The following ZNF207 variants were observed in gnomAD, a reference collection of about 807,000 sequenced individuals.
ZNF207 encodes the protein BUB3-interacting and GLEBS motif-containing protein ZNF207.
A neutral mutation model predicts 60.2 loss-of-function variants in ZNF207; 24 were observed. The observed-to-expected ratio is 0.40, with a 90% CI of 0.29 to 0.56. The LOEUF is 0.56. ZNF207 is among the 20% of genes least tolerant of loss of function. The pLI, the probability that ZNF207 is intolerant of heterozygous loss-of-function variation, is 0.49. For synonymous variants in ZNF207, 236 were observed against 194.7 expected (o/e 1.21, Z -1.77); for missense variants, 452 against 636.6 (o/e 0.71, Z 3.12).
Position 32,380,971 on chromosome 17 carries a change from A to G in ZNF207, c.*11212A>G, listed in dbSNP as rs941165379. ...GACTCCGTCTCAAAAAAAAAAAGAA[A>G]AAAAGAAAAAGTGATAAGATTTGGG... On this transcript the variant is annotated 3_prime_UTR_variant, in exon 12 of 12. Coordinates refer to ENST00000394670, the MANE Select transcript of ZNF207 (RefSeq NM_001098507.2). 5 of 146,504 alleles carry G rather than the reference A, an allele frequency of 3.4e-5. No individual in the cohort carries two copies. Among genetic ancestry groups the G allele is most frequent in the Non-Finnish European group, 6.2e-5 (4 of 64,940 alleles). 9.1% of individuals were successfully genotyped at this position (146,504 alleles called of 1,614,324 possible). A position where few individuals can be genotyped will look rare whatever the true frequency, so the allele number is the denominator to read the frequency against.
intron 7 of ZNF207, among the ~76,000 whole-genome samples, chr17:32,363,612 A>C (rs991854293): frequency 7.5e-6 from 1 of 133,246 alleles, no homozygotes; most frequent in African/African-American, 2.9e-5. Context: ...GCTCACTGCA[A>C]CCTCTGCTTC....
intron 10 of ZNF207, chr17:32,368,900 G>A (rs1196510361): frequency 6.1e-6 from 1 of 164,162 alleles, no homozygotes; most frequent in Non-Finnish European, 1.3e-5. Context: ...AGCTACTCCG[G>A]AGGCTGAGGC....
At position 32,371,377 on chromosome 17, in the gene ZNF207, A is replaced by G. The variant is rs1905456229; in HGVS notation, c.*1618A>G. ...TGAAAAGTGATTTAGCCATCACAAA[A>G]GAGTTCGTATTTATGTGACAGATGA... On this transcript the variant is annotated 3_prime_UTR_variant, in exon 12 of 12. Transcript: ENST00000394670. 1.3e-5 allele frequency: 2 copies of G among 152,380 alleles called. No homozygotes were observed. Among genetic ancestry groups the G allele is most frequent in the African/African-American group, 4.8e-5 (2 of 41,590 alleles). The allele number at this position is 152,380 out of a possible 1,614,324, so 9.4% of individuals were successfully genotyped here. A position where few individuals can be genotyped will look rare whatever the true frequency, so the allele number is the denominator to read the frequency against.
chr17:32,354,329 C>CT (rs1567812834), intron 2 of ZNF207, among the ~76,000 whole-genome samples: 1 of 152,046 alleles, frequency 6.6e-6, no homozygotes, highest in Non-Finnish European at 1.5e-5. Flanking sequence ...GATGTATGCT[C>CT]TGTCAGTTTT....
chr17:32,366,311 T>C (rs1307087696), intron 8 of ZNF207, among the ~76,000 whole-genome samples: 2 of 105,696 alleles, frequency 1.9e-5, no homozygotes, highest in Non-Finnish European at 3.9e-5. Context: ...ATGTAAAACT[T>C]TTGGCAAAAA....
At position 32,375,096 on chromosome 17, in the gene ZNF207, A is replaced by G. The variant is rs1217853062; in HGVS notation, c.*5337A>G. The G allele has an allele frequency of 6.6e-6, 1 of 152,242 alleles. No homozygotes were observed. Among genetic ancestry groups the G allele is most frequent in the Non-Finnish European group, 1.5e-5 (1 of 68,046 alleles). The allele number at this position is 152,242 out of a possible 1,614,324, so 9.4% of individuals were successfully genotyped here. On this transcript the variant is annotated 3_prime_UTR_variant, in exon 12 of 12. Transcript: ENST00000394670. ...ACAATGAACAAGCAGTATAGCATTTAGCAAACCTGGAATTGTTTGTATATG... is the reference window on the plus strand; with the variant it reads ...ACAATGAACAAGCAGTATAGCATTTGGCAAACCTGGAATTGTTTGTATATG...
chr17:32,379,116 T>A lies in ZNF207; in HGVS notation c.*9357T>A, dbSNP rs1347283522. 6.6e-6 allele frequency: 1 copy of A among 152,094 alleles called. No homozygotes were observed. The highest frequency in any genetic ancestry group is 1.5e-5 in the Non-Finnish European group (1 of 67,930). 9.4% of individuals were successfully genotyped at this position (152,094 alleles called of 1,614,324 possible). On this transcript the variant is annotated 3_prime_UTR_variant, in exon 12 of 12. Transcript: ENST00000394670. ...TGTAAAATTGCACAAGGGCTTAAGTTTCATTGCCTTTCACAGTTTAATCTG... is the reference window on the plus strand; with the variant it reads ...TGTAAAATTGCACAAGGGCTTAAGTATCATTGCCTTTCACAGTTTAATCTG...
At position 32,369,462 on chromosome 17, in the gene ZNF207, T is replaced by A; in HGVS notation, c.1324+8T>A. 1.9e-6 allele frequency: 3 copies of A among 1,611,656 alleles called. No homozygotes were observed. Among genetic ancestry groups the A allele is most frequent in the Non-Finnish European group, 2.5e-6 (3 of 1,178,346 alleles). The stretch of plus-strand genomic sequence containing the variant: ...CCCCAATGCCACCTCATGGTATTCC[T>A]CTTTTTATGTTTTTCATATTTAGTG... On this transcript the variant is annotated splice_region_variant and intron_variant, in intron 11 of 11. Coordinates refer to ENST00000394670, the MANE Select transcript of ZNF207 (RefSeq NM_001098507.2).
At chr17:32,363,150 A>G (rs1263675262) in intron 7 of ZNF207, among the ~76,000 whole-genome samples, 166 bp downstream of exon 7, 5 of 152,178 alleles carry the variant, frequency 3.3e-5, no homozygotes, top group Non-Finnish European at 5.9e-5. Flanking sequence ...ATTTTGGTAG[A>G]TATCTCGGCT....
chr17:32,366,999 A>G (rs1481552669), intron 9 of ZNF207, among the ~76,000 whole-genome samples: 1 of 151,992 alleles, frequency 6.6e-6, no homozygotes, highest in African/African-American at 2.4e-5. Flanking sequence ...TATAGTGGCC[A>G]ATGGTTAGCC....
rs1905427526 is a variant in ZNF207 at position 32,370,659 on chromosome 17, A to C, written c.*900A>C. 6.6e-6 allele frequency: 1 copy of C among 152,214 alleles called. No homozygotes were observed. Among genetic ancestry groups the C allele is most frequent in the Non-Finnish European group, 1.5e-5 (1 of 68,040 alleles). 9.4% of individuals were successfully genotyped at this position (152,214 alleles called of 1,614,324 possible). A position where few individuals can be genotyped will look rare whatever the true frequency, so the allele number is the denominator to read the frequency against. Reference sequence around the variant, plus strand: ...TACACATCACGTGTCATAGATACTTAAAATGTAAATGTTAACACTTTTCCT... The same window carrying C: ...TACACATCACGTGTCATAGATACTTCAAATGTAAATGTTAACACTTTTCCT... On this transcript the variant is annotated 3_prime_UTR_variant, in exon 12 of 12. Transcript: ENST00000394670.
At chr17:32,350,570 T>C (rs948960267) in intron 1 of ZNF207, among the ~76,000 whole-genome samples, 1 of 152,028 alleles carries the variant, frequency 6.6e-6, no homozygotes, top group Non-Finnish European at 1.5e-5. Context: ...CGGTGCGAAT[T>C]TTGGACTCCG....
rs1473853853 is a variant in ZNF207, at chr17:32,370,654, T to TA, written c.*896dup. ...GTCAGTACACATCACGTGTCATAGATACTTAAAATGTAAATGTTAACACTT... is the reference window on the plus strand; with the variant it reads ...GTCAGTACACATCACGTGTCATAGATAACTTAAAATGTAAATGTTAACACTT... On this transcript the variant is annotated 3_prime_UTR_variant, in exon 12 of 12. Coordinates refer to ENST00000394670, the MANE Select transcript of ZNF207 (RefSeq NM_001098507.2). 6.6e-6 allele frequency: 1 copy of TA among 152,232 alleles called. No homozygotes were observed. Among genetic ancestry groups the TA allele is most frequent in the Non-Finnish European group, 1.5e-5 (1 of 68,046 alleles). 9.4% of individuals were successfully genotyped at this position (152,232 alleles called of 1,614,324 possible). A position where few individuals can be genotyped will look rare whatever the true frequency, so the allele number is the denominator to read the frequency against.
In ZNF207 at chr17:32,351,883, G is replaced by T; in HGVS notation, c.139G>T (p.Gly47Ter). Residue 47 changes from glycine to a stop codon, truncating the protein, a stop_gained, in exon 2 of 12, where the codon GGA (glycine) becomes TGA (stop). Coordinates refer to ENST00000394670, the MANE Select transcript of ZNF207 (RefSeq NM_001098507.2). LOFTEE classifies it high-confidence loss of function. ...CHICHKKLYT[G>*]PGLAIHCMQV... Reference sequence around the variant, plus strand: ...TATATGTCACAAGAAATTGTATACAGGACCTGGCTTAGCTATTCATTGCAT... The same window carrying T: ...TATATGTCACAAGAAATTGTATACATGACCTGGCTTAGCTATTCATTGCAT... 1 of 1,590,064 alleles carries T rather than the reference G, an allele frequency of 6.3e-7. No individual in the cohort carries two copies.
At position 32,369,836 on chromosome 17, in the gene ZNF207, G is replaced by A. The variant is rs1002970280; in HGVS notation, c.*77G>A. On this transcript the variant is annotated 3_prime_UTR_variant, in exon 12 of 12. Transcript: ENST00000394670. The stretch of plus-strand genomic sequence containing the variant: ...GTGCTGTTTATATAGCCAAGCTTCC[G>A]TCAATAAGGCTTCATTGTGACTTTA... The A allele has an allele frequency of 5.3e-5, 71 of 1,333,608 alleles. No homozygotes were observed. Among genetic ancestry groups the A allele is most frequent in the South Asian group, 5.2e-4 (20 of 38,666 alleles). 82.6% of individuals were successfully genotyped at this position (1,333,608 alleles called of 1,614,324 possible).
rs375614538 is a variant in ZNF207, at chr17:32,362,909, A to G, written c.600-5A>G. On this transcript the variant is annotated splice_region_variant and splice_polypyrimidine_tract_variant and intron_variant, in intron 6 of 11. Coordinates refer to ENST00000394670, the MANE Select transcript of ZNF207 (RefSeq NM_001098507.2). ...TACTGTTTCTTGAAATTTGCTTTCT[A>G]ATAGAATGATGCCAATGGGTGGAAT... The G allele has an allele frequency of 1.5e-5, 24 of 1,612,924 alleles. No homozygotes were observed. The highest frequency in any genetic ancestry group is 2.0e-5 in the Non-Finnish European group (24 of 1,179,818).
At chr17:32,360,109 A>G (rs1015817382) in intron 3 of ZNF207, among the ~76,000 whole-genome samples, 3 of 146,472 alleles carry the variant, frequency 2.0e-5, no homozygotes, top group Non-Finnish European at 3.0e-5. Context: ...GACTCCTATA[A>G]TTTCAGTGCT....
intron 7 of ZNF207, among the ~76,000 whole-genome samples, chr17:32,365,011 CTGTCT>C (rs1245934338): frequency 6.6e-6 from 1 of 152,178 alleles, no homozygotes. Context: ...ATTTAAATAT[CTGTCT>C]TGTAGCTGAT....
rs1435832382 is a variant in ZNF207 at position 32,377,468 on chromosome 17, C to A, written c.*7709C>A. 1.3e-5 allele frequency: 2 copies of A among 151,862 alleles called. No individual in the cohort carries two copies. Among genetic ancestry groups the A allele is most frequent in the Non-Finnish European group, 2.9e-5 (2 of 67,848 alleles). The allele number at this position is 151,862 out of a possible 1,614,324, so 9.4% of individuals were successfully genotyped here. A position where few individuals can be genotyped will look rare whatever the true frequency, so the allele number is the denominator to read the frequency against. ...GCCCCCTTTTACCTGTTCGCTTATT[C>A]AAAGAGAAACAATAGAATTTGCTTC... On this transcript the variant is annotated 3_prime_UTR_variant, in exon 12 of 12. Coordinates refer to ENST00000394670, the MANE Select transcript of ZNF207 (RefSeq NM_001098507.2).
Sources: gnomAD v4.1 joint callset for allele counts (sites outside exome capture counted in the v4.1 genomes callset) on GRCh38, gnomAD v4.1.1 for gene constraint, MANE v1.5 for transcripts, NCBI Gene and HGNC (gene_info 2026-07-23, HGNC 2026-07-21) for gene names.